Variants in ADAM2 observed in about 807,000 individuals in gnomAD.
ADAM2 encodes ADAM metallopeptidase domain 2, also known as disintegrin and metalloproteinase domain-containing protein 2.
Under a neutral mutation model 99.3 loss-of-function variants are expected in ADAM2, and 101 were observed. The observed-to-expected ratio is 1.02, with a 90% CI of 0.87 to 1.20. ADAM2 has a LOEUF of 1.20. Ranked by LOEUF, ADAM2 falls within the 50% of genes most tolerant of loss-of-function variation. The probability of loss-of-function intolerance (pLI) is 0.00; values close to 1 mark genes in which losing one functional copy is unlikely to be tolerated. For missense variants in ADAM2, 948 were observed against 878.7 expected (o/e 1.08, Z -1.00); for synonymous variants, 323 against 287.6 (o/e 1.12, Z -1.25).
At position 39,744,722 on chromosome 8, in the gene ADAM2, A is replaced by G. The variant is rs1055665687; in HGVS notation, c.*30+108T>C. ...ACCTAGATGACGGGTTGATAGGTGC[A>G]GCAAACCACCATGGCACATGTATAC... is the stretch of plus-strand genomic sequence containing the variant. On this transcript the variant is annotated intron_variant, in intron 20 of 20. Coordinates refer to ENST00000265708, the MANE Select transcript of ADAM2 (RefSeq NM_001464.5). 6.0e-6 allele frequency: 4 copies of G among 665,744 alleles called. No homozygotes were observed. In the African/African-American group the frequency reaches 7.3e-5, roughly 12 times the overall value. The allele number at this position is 665,744 out of a possible 1,614,324, so 41.2% of individuals were successfully genotyped here.
intron 12 of ADAM2, 59 bp downstream of exon 12, chr8:39,769,333 G>T: frequency 2.2e-6 from 3 of 1,354,346 alleles, no homozygotes; most frequent in South Asian, 1.3e-5. Context: ...TTTCTCACTC[G>T]AATTAATAAG....
chr8:39,802,359 TCAC>T (rs954035645), intron 7 of ADAM2, among the ~76,000 whole-genome samples: 61 of 152,290 alleles, frequency 4.0e-4, no homozygotes, highest in African/African-American at 1.5e-3. Context: ...GCTGAAGGAT[TCAC>T]AAGCCTCTTA....
At position 39,770,563 on chromosome 8, in the gene ADAM2, A is replaced by G. The variant is rs1021927539; in HGVS notation, c.1029-988T>C. 2.0e-5 allele frequency among the ~76,000 whole-genome samples: 3 copies of G among 152,350 alleles called. No individual in the cohort carries two copies. In the East Asian group the frequency reaches 5.8e-4, roughly 29 times the overall value. On this transcript the variant is annotated intron_variant, in intron 11 of 20. Coordinates refer to ENST00000265708, the MANE Select transcript of ADAM2 (RefSeq NM_001464.5). ...AGTTAAAGTCTTGGTTTTGCCATTT[A>G]CAGGTTGTTTGTCCTTGTAAAAGAT...
In ADAM2 at chr8:39,809,442, T is replaced by C. The variant is rs759200767; in HGVS notation, c.538A>G (p.Ile180Val). The stretch of plus-strand genomic sequence containing the variant: ...TTTTCAACTATAACATGCATTTCTA[T>C]ATACTTTGCAAAATCTTGCTGTGGC... ...VEPQQDFAKYIEMHVIVEKQL... is the reference protein window; with the variant it reads ...VEPQQDFAKYVEMHVIVEKQL... The change falls in exon 7 of 21, where the codon ATA (isoleucine) becomes GTA (valine). Residue 180 changes from isoleucine to valine, a missense_variant. Transcript: ENST00000265708. The C allele has an allele frequency of 6.3e-6, 9 of 1,418,490 alleles. No homozygotes were observed. Among genetic ancestry groups the C allele is most frequent in the Admixed American group, 5.6e-5 (3 of 53,904 alleles). The allele number at this position is 1,418,490 out of a possible 1,614,324, so 87.9% of individuals were successfully genotyped here.
intron 10 of ADAM2, among the ~76,000 whole-genome samples, chr8:39,783,927 A>G (rs779948208): frequency 4.6e-5 from 7 of 151,838 alleles, no homozygotes; most frequent in Non-Finnish European, 8.8e-5. Context: ...CCTGGGTGAC[A>G]GAGCGAGACT....
intron 11 of ADAM2, among the ~76,000 whole-genome samples, chr8:39,772,222 A>G (rs1041005700): frequency 5.3e-5 from 8 of 150,224 alleles, no homozygotes; most frequent in African/African-American, 1.7e-4. Context: ...TTCATTCTCT[A>G]TTCTCTCACT....
At chr8:39,796,117 G>C (rs1252063790) in intron 7 of ADAM2, among the ~76,000 whole-genome samples, 2 of 151,504 alleles carry the variant, frequency 1.3e-5, no homozygotes, top group Non-Finnish European at 2.9e-5. Context: ...GAATGTGCAG[G>C]TTTATTACAT....
chr8:39,761,140 A>G (rs747187287), intron 15 of ADAM2, 36 bp downstream of exon 15: 15 of 1,310,248 alleles, frequency 1.1e-5, no homozygotes, highest in African/African-American at 1.5e-5. Context: ...ATAAGGTGAT[A>G]AATAGAAGTT....
At chr8:39,831,320 A>G (rs1309051574) in intron 3 of ADAM2, among the ~76,000 whole-genome samples, 1 of 152,166 alleles carries the variant, frequency 6.6e-6, no homozygotes, top group Non-Finnish European at 1.5e-5. Context: ...CCCTGAGCTG[A>G]TAAAGTGTAA....
At chr8:39,788,777 A>G in intron 7 of ADAM2, 37 bp from the exon 8 acceptor site, 1 of 1,066,764 alleles carries the variant, frequency 9.4e-7, no homozygotes, top group Non-Finnish European at 1.3e-6. Flanking sequence ...ATAAATATAT[A>G]TTGCTTAACA....
chr8:39,834,716 C>T (rs1045923418), intron 2 of ADAM2, among the ~76,000 whole-genome samples: 1 of 105,742 alleles, frequency 9.5e-6, no homozygotes, highest in African/African-American at 4.0e-5. Context: ...GCCTGGGCGA[C>T]AGGGCAAGAC....
chr8:39,811,751 T>A (rs1285533687), intron 6 of ADAM2, among the ~76,000 whole-genome samples: 1 of 152,140 alleles, frequency 6.6e-6, no homozygotes, highest in African/African-American at 2.4e-5. Flanking sequence ...AAACTCTCAA[T>A]AAACTAGGTA....
chr8:39,771,500 T>G (rs1045152946), intron 11 of ADAM2, among the ~76,000 whole-genome samples: 2 of 152,162 alleles, frequency 1.3e-5, no homozygotes, highest in Non-Finnish European at 2.9e-5. Context: ...ATTAACAATG[T>G]TTAAAAAGAT....
intron 12 of ADAM2, among the ~76,000 whole-genome samples, chr8:39,768,469 C>T (rs1275606846): frequency 6.6e-6 from 1 of 152,154 alleles, no homozygotes; most frequent in Non-Finnish European, 1.5e-5. Flanking sequence ...CACCTCCCTT[C>T]AACCCAGGTG....
At chr8:39,797,712 C>T (rs1379350635) in intron 7 of ADAM2, among the ~76,000 whole-genome samples, 1 of 152,088 alleles carries the variant, frequency 6.6e-6, no homozygotes, top group African/African-American at 2.4e-5. Context: ...TTTGTGTCCT[C>T]TTTTATTTCC....
At chr8:39,831,074 C>G (rs1244023309) in intron 3 of ADAM2, among the ~76,000 whole-genome samples, 1 of 152,132 alleles carries the variant, frequency 6.6e-6, no homozygotes, top group Non-Finnish European at 1.5e-5. Flanking sequence ...ACTTCCCAGC[C>G]TCTAGAACTA....
intron 15 of ADAM2, among the ~76,000 whole-genome samples, chr8:39,756,865 AT>A (rs1343357197): frequency 2.6e-5 from 4 of 152,340 alleles, no homozygotes; most frequent in Admixed American, 2.6e-4. Flanking sequence ...ATCATGAAAG[AT>A]TAAGAAAATA....
At chr8:39,785,611 T>C in intron 10 of ADAM2, among the ~76,000 whole-genome samples, 1 of 151,930 alleles carries the variant, frequency 6.6e-6, no homozygotes, top group East Asian at 1.9e-4. Context: ...GCCTGGCCAA[T>C]GTGGCAAAAC....
intron 3 of ADAM2, among the ~76,000 whole-genome samples, chr8:39,826,169 A>G (rs1192259580): frequency 2.0e-5 from 3 of 152,238 alleles, no homozygotes; most frequent in Admixed American, 1.3e-4. Flanking sequence ...TAGAGGCATC[A>G]TACTACTTGA....
Sources: allele counts gnomAD v4.1 joint callset (sites outside exome capture counted in the v4.1 genomes callset), GRCh38; gene constraint gnomAD v4.1.1; transcripts MANE v1.5; gene names NCBI Gene and HGNC (gene_info 2026-07-23, HGNC 2026-07-21).